POLB: variants seen among roughly 807,000 people sequenced by gnomAD.
POLB encodes the protein DNA polymerase beta, also known as 5'-dRP lyase.
A neutral mutation model predicts 52.7 loss-of-function variants in POLB; 37 were observed. The observed-to-expected ratio is 0.70, with a 90% confidence interval of 0.54 to 0.92. The LOEUF (loss-of-function observed/expected upper bound fraction) is 0.92. Among genes scored for constraint, POLB ranks in the 40% least tolerant of loss-of-function variants. POLB has a pLI of 0.00. For synonymous variants in POLB, 138 were observed against 131.3 expected (o/e 1.05, Z -0.35); for missense variants, 313 against 400.8 (o/e 0.78, Z 1.87).
In POLB at chr8:42,345,236, T is replaced by C. The variant is rs1257560554; in HGVS notation, c.186+217T>C. ...GAAGATGGGTTAAAATTTTTAAAAA[T>C]ATATGTAATTACAGTTTTCTTTCTC... On this transcript the variant is annotated intron_variant, in intron 3 of 13. Transcript: ENST00000265421. 2.0e-5 allele frequency among the ~76,000 whole-genome samples: 3 copies of C among 152,232 alleles called. No individual in the cohort carries two copies. In the East Asian group the frequency reaches 5.8e-4, roughly 29 times the overall value.
At chr8:42,342,205 G>A (rs374409963) in intron 2 of POLB, 3 of 1,552,478 alleles carry the variant, frequency 1.9e-6, no homozygotes, top group East Asian at 2.2e-5. Flanking sequence ...CATCCAAATA[G>A]CAGGTGAAAG....
intron 6 of POLB, among the ~76,000 whole-genome samples, chr8:42,354,122 A>T (rs1242197555): frequency 1.3e-5 from 2 of 152,210 alleles, no homozygotes; most frequent in Non-Finnish European, 2.9e-5. Context: ...AGTGTCAAGG[A>T]TCTACTGTTG....
chr8:42,357,711 A>G lies in POLB; in HGVS notation c.550+319A>G, dbSNP rs138103019. 205 of 234,606 alleles carry G rather than the reference A, an allele frequency of 8.7e-4. 2 individuals are homozygous for G. The East Asian group carries it at 0.016, about 18-fold the overall frequency. 14.5% of individuals were successfully genotyped at this position (234,606 alleles called of 1,614,324 possible). ...AGTGAAGTTGTGGGTAGTTTTGTTA[A>G]TTTACCTTTCTTTTTCCTTTTTTTT... On this transcript the variant is annotated intron_variant, in intron 9 of 13. Coordinates refer to ENST00000265421, the MANE Select transcript of POLB (RefSeq NM_002690.3).
chr8:42,368,209 G>A (rs536033916), intron 11 of POLB, among the ~76,000 whole-genome samples: 1 of 152,162 alleles, frequency 6.6e-6, no homozygotes, highest in Admixed American at 6.6e-5. Flanking sequence ...ATCCGCATCC[G>A]CAAGGTAATA....
Position 42,345,034 on chromosome 8 carries a change from C to CA in POLB, c.186+16dup, listed in dbSNP as rs1286268629. The CA allele has an allele frequency of 5.1e-6, 8 of 1,583,630 alleles. No individual in the cohort carries two copies. The highest frequency in any genetic ancestry group is 2.7e-5 in the African/African-American group (2 of 74,300). On this transcript the variant is annotated intron_variant, in intron 3 of 13. Coordinates refer to ENST00000265421, the MANE Select transcript of POLB (RefSeq NM_002690.3). ...CTAAGAAATTGGTAAGTTTAGTTAG[C>CA]ATGTTGATCGAAGAGTTCACACGTG...
At chr8:42,345,179 CT>C (rs1386681106) in intron 3 of POLB, among the ~76,000 whole-genome samples, 160 bp downstream of exon 3, 3 of 152,180 alleles carry the variant, frequency 2.0e-5, no homozygotes, top group African/African-American at 7.2e-5. Context: ...TTCATACACA[CT>C]TTTTCAAGCT....
Position 42,371,783 on chromosome 8 carries a change from A to T in POLB, c.*126A>T. 1 of 646,746 alleles carries T rather than the reference A, an allele frequency of 1.5e-6. No individual in the cohort carries two copies. The highest frequency in any genetic ancestry group is 2.9e-6 in the Non-Finnish European group (1 of 348,354). 40.1% of individuals were successfully genotyped at this position (646,746 alleles called of 1,614,324 possible). On this transcript the variant is annotated 3_prime_UTR_variant, in exon 14 of 14. Coordinates refer to ENST00000265421, the MANE Select transcript of POLB (RefSeq NM_002690.3). ...TTCTTCATGCTTTTGCTTGCAATGT[A>T]GTCAATAAAACCTCATGTACTATTA...
In POLB at chr8:42,371,569, C is replaced by G; in HGVS notation, c.920C>G (p.Ala307Gly). ...TIRPLGVTGV[A>G]GEPLPVDSEK... ...TTTCTCTCTGTACTTGCAGGAGTTGCAGGAGAACCCCTGCCAGTGGATAGT... is the reference window on the plus strand; with the variant it reads ...TTTCTCTCTGTACTTGCAGGAGTTGGAGGAGAACCCCTGCCAGTGGATAGT... Residue 307 changes from alanine to glycine, a missense_variant, in exon 14 of 14, where the codon GCA becomes GGA. Ala to Gly is a moderately conservative substitution (Grantham distance 60). Around this residue, in one of 3 missense-constraint regions of POLB, gnomAD observed 246 missense variants for 297.6 expected, o/e 0.83. Coordinates refer to ENST00000265421, the MANE Select transcript of POLB (RefSeq NM_002690.3). 6.3e-7 allele frequency: 1 copy of G among 1,598,340 alleles called. No individual in the cohort carries two copies. Among genetic ancestry groups the G allele is most frequent in the Non-Finnish European group, 8.6e-7 (1 of 1,166,292 alleles).
chr8:42,365,942 A>T (rs1362327894), intron 11 of POLB, among the ~76,000 whole-genome samples: 1 of 152,032 alleles, frequency 6.6e-6, no homozygotes, highest in African/African-American at 2.4e-5. Flanking sequence ...TCTACTAAAA[A>T]TACAAAAATT....
Position 42,355,533 on chromosome 8 carries a change from G to A in POLB, c.388G>A (p.Asp130Asn), listed in dbSNP as rs1222128869. 1.3e-6 allele frequency: 2 copies of A among 1,587,984 alleles called. No individual in the cohort carries two copies. Among genetic ancestry groups the A allele is most frequent in the South Asian group, 1.1e-5 (1 of 90,256 alleles). ...KTLEDLRKNE[D>N]KLNHHQRIGL... ...CTATACAGATCTCAGAAAAAATGAA[G>A]ATAAATTGAACCATCATCAGCGAAT... The change falls in exon 7 of 14, where the codon GAT becomes AAT. Residue 130 changes from aspartate to asparagine, a missense_variant. Physicochemically the swap from Asp to Asn is conservative, Grantham distance 23. Coordinates refer to ENST00000265421, the MANE Select transcript of POLB (RefSeq NM_002690.3).
intron 5 of POLB, among the ~76,000 whole-genome samples, chr8:42,351,353 G>T (rs1050021725): frequency 2.6e-5 from 4 of 152,162 alleles, no homozygotes; most frequent in South Asian, 2.1e-4. Flanking sequence ...ACAATATAAT[G>T]TGATGATATT....
At chr8:42,342,221 G>A (rs1822246155) in intron 2 of POLB, 1 of 1,550,368 alleles carries the variant, frequency 6.5e-7, no homozygotes, top group African/African-American at 1.4e-5. Flanking sequence ...GAAAGCACCT[G>A]GCTGACCATC....
intron 10 of POLB, 86 bp from the exon 11 acceptor site, chr8:42,362,526 C>T: frequency 2.4e-6 from 2 of 837,468 alleles, no homozygotes; most frequent in Admixed American, 2.0e-5. Flanking sequence ...TATAGCAAGA[C>T]TGTGTCTCTA....
chr8:42,343,409 C>T (rs1485875911), intron 2 of POLB, among the ~76,000 whole-genome samples: 1 of 134,870 alleles, frequency 7.4e-6, no homozygotes. Context: ...CACCTGTTAT[C>T]CCAGCTACTC....
At position 42,371,546 on chromosome 8, in the gene POLB, T is replaced by G. The variant is rs751960570; in HGVS notation, c.914-17T>G. 16 of 1,502,194 alleles carry G rather than the reference T, an allele frequency of 1.1e-5. No individual in the cohort carries two copies. In the Admixed American group the frequency reaches 2.6e-4, roughly 24 times the overall value. 93.1% of individuals were successfully genotyped at this position (1,502,194 alleles called of 1,614,324 possible). ...AAAACTGGTTCTTACAATAAGTTTT[T>G]CTCTCTGTACTTGCAGGAGTTGCAG... On this transcript the variant is annotated splice_polypyrimidine_tract_variant and intron_variant, in intron 13 of 13. Transcript: ENST00000265421.
intron 4 of POLB, chr8:42,349,338 A>C: frequency 3.2e-6 from 1 of 314,192 alleles, no homozygotes; most frequent in Non-Finnish European, 5.8e-6. Context: ...TATTCAGAAA[A>C]GAGATTATAA....
intron 6 of POLB, 87 bp downstream of exon 6, chr8:42,352,655 C>A: frequency 1.2e-6 from 1 of 809,998 alleles, no homozygotes; most frequent in Middle Eastern, 2.8e-4. Context: ...CTTGAAAAAC[C>A]CATTCTCAAT....
In POLB at chr8:42,362,714, A is replaced by T. The variant is rs200910301; in HGVS notation, c.708+16A>T. On this transcript the variant is annotated intron_variant, in intron 11 of 13. Transcript: ENST00000265421. ...AAAGTTCATGGTAAGTACTTGTTAG[A>T]GTTAGCACATCTAAAAAAAAACTTG... The T allele has an allele frequency of 2.1e-6, 3 of 1,453,214 alleles. No individual in the cohort carries two copies. The East Asian group carries it at 6.8e-5, about 33-fold the overall frequency. 90.0% of individuals were successfully genotyped at this position (1,453,214 alleles called of 1,614,324 possible).
Position 42,353,360 on chromosome 8 carries a change from G to A in POLB, c.370+792G>A, listed in dbSNP as rs181524145. Reference sequence around the variant, plus strand: ...TCTGACCTTGTGATCTGCCCACCTCGGCCTCCCAAAGTGCTGGGATTACAG... The same window carrying A: ...TCTGACCTTGTGATCTGCCCACCTCAGCCTCCCAAAGTGCTGGGATTACAG... On this transcript the variant is annotated intron_variant, in intron 6 of 13. Transcript: ENST00000265421. 5.2e-3 allele frequency among the ~76,000 whole-genome samples: 781 copies of A among 151,320 alleles called. 14 individuals carry two copies. Among genetic ancestry groups the A allele is most frequent in the African/African-American group, 0.018 (729 of 41,300 alleles).
Sources: gnomAD v4.1 joint callset for allele counts (sites outside exome capture counted in the v4.1 genomes callset) on GRCh38, gnomAD v4.1.1 for gene constraint, gnomAD v4.1.1 regional missense constraint, MANE v1.5 for transcripts, NCBI Gene and HGNC (gene_info 2026-07-23, HGNC 2026-07-21) for gene names.